CLUAP1: variants seen among roughly 807,000 people sequenced by gnomAD.
CLUAP1 encodes clusterin-associated protein 1.
CLUAP1 carries 50 observed loss-of-function variants against 55.0 expected under a neutral mutation model. The ratio of observed to expected loss-of-function variants is 0.91; its 90% CI spans 0.72 to 1.15. CLUAP1 has a LOEUF of 1.15. Among genes scored for constraint, CLUAP1 ranks in the 50% most tolerant of loss-of-function variants. CLUAP1 has a pLI of 0.00. For synonymous variants in CLUAP1, 195 were observed against 175.4 expected, an observed-to-expected ratio of 1.11 and a Z score of -0.88; for missense variants, 530 against 507.6, an observed-to-expected ratio of 1.04 and a Z score of -0.42.
At chr16:3,521,891 C>CA (rs1051168488) in intron 7 of CLUAP1, among the ~76,000 whole-genome samples, 56 of 147,140 alleles carry the variant, frequency 3.8e-4, no homozygotes, top group Middle Eastern at 6.9e-3. Context: ...CCCATCTCTA[C>CA]AAAAAAAAAA....
intron 9 of CLUAP1, among the ~76,000 whole-genome samples, chr16:3,527,916 C>T (rs867117605): frequency 1.3e-5 from 2 of 152,210 alleles, no homozygotes; most frequent in African/African-American, 4.8e-5. Context: ...TACCCTGCCC[C>T]TTTGTCTTGT....
chr16:3,516,639 T>C (rs2037734405), intron 6 of CLUAP1, among the ~76,000 whole-genome samples: 1 of 152,134 alleles, frequency 6.6e-6, no homozygotes, highest in Non-Finnish European at 1.5e-5. Flanking sequence ...AATATATAGA[T>C]AGGTATAGGA....
intron 4 of CLUAP1, among the ~76,000 whole-genome samples, chr16:3,512,041 C>T (rs2037636686): frequency 2.0e-5 from 3 of 152,094 alleles, no homozygotes; most frequent in African/African-American, 7.2e-5. Context: ...ACAAAATTAG[C>T]CGGGCGTGGT....
upstream of CLUAP1, chr16:3,496,140 C>CAAAA (rs74546027): frequency 2.9e-6 from 1 of 342,378 alleles, no homozygotes; most frequent in Non-Finnish European, 5.6e-6. Context: ...GACTCCGTCT[C>CAAAA]AAAAAAAAAA....
chr16:3,529,210 A>G (rs1431237916), intron 9 of CLUAP1, among the ~76,000 whole-genome samples: 1 of 150,728 alleles, frequency 6.6e-6, no homozygotes. Context: ...CACTTCATTC[A>G]CATGGATTCA....
chr16:3,526,817 C>T (rs73503370), intron 9 of CLUAP1, among the ~76,000 whole-genome samples: 300 of 152,202 alleles, frequency 2.0e-3, no homozygotes, highest in African/African-American at 6.9e-3. Flanking sequence ...GTGTTTTCCC[C>T]TGTTTAAATG....
intron 4 of CLUAP1, among the ~76,000 whole-genome samples, chr16:3,508,747 G>T (rs1401028811): frequency 1.3e-5 from 2 of 152,156 alleles, no homozygotes; most frequent in African/African-American, 4.8e-5. Context: ...TCAGTTAGGG[G>T]AGTCAGACTG....
At chr16:3,500,263 T>C (rs1460885088), upstream of CLUAP1, among the ~76,000 whole-genome samples, 3 of 152,192 alleles carry the variant, frequency 2.0e-5, no homozygotes, top group Non-Finnish European at 2.9e-5. Flanking sequence ...CTGGCCTGCC[T>C]CTGGGCGCCC....
At chr16:3,505,533 CGAGA>C (rs2037488205) in intron 2 of CLUAP1, among the ~76,000 whole-genome samples, 2 of 126,644 alleles carry the variant, frequency 1.6e-5, no homozygotes, top group Admixed American at 1.9e-4. Context: ...GGTGAAAGAG[CGAGA>C]CTCCGTCTCA....
At chr16:3,511,034 C>T (rs1349250496) in intron 4 of CLUAP1, among the ~76,000 whole-genome samples, 2 of 152,128 alleles carry the variant, frequency 1.3e-5, no homozygotes, top group Non-Finnish European at 2.9e-5. Context: ...AACTCTGACT[C>T]GCTCCACTTT....
rs1368257213 is a variant in CLUAP1, at chr16:3,536,481, T to C, written c.*210T>C. 1.0e-5 allele frequency: 5 copies of C among 501,402 alleles called. No homozygotes were observed. Among genetic ancestry groups the C allele is most frequent in the African/African-American group, 7.6e-5 (4 of 52,402 alleles). The allele number at this position is 501,402 out of a possible 1,614,324, so 31.1% of individuals were successfully genotyped here. A position where few individuals can be genotyped will look rare whatever the true frequency, so the allele number is the denominator to read the frequency against. Reference sequence around the variant, plus strand: ...GAAGCAAATCCCTAAGATTTATTTTTTTCCACCTTATTTATCTTCTAAAAC... The same window carrying C: ...GAAGCAAATCCCTAAGATTTATTTTCTTCCACCTTATTTATCTTCTAAAAC... On this transcript the variant is annotated 3_prime_UTR_variant, in exon 12 of 12. Coordinates refer to ENST00000576634, the MANE Select transcript of CLUAP1 (RefSeq NM_015041.3).
chr16:3,519,366 G>T (rs1437348105), intron 6 of CLUAP1, among the ~76,000 whole-genome samples: 1 of 152,226 alleles, frequency 6.6e-6, no homozygotes, highest in African/African-American at 2.4e-5. Context: ...TTAGTCTGTA[G>T]TCAAGCTTCT....
At chr16:3,497,072 T>C (rs2037322193), upstream of CLUAP1, among the ~76,000 whole-genome samples, 1 of 152,086 alleles carries the variant, frequency 6.6e-6, no homozygotes, top group African/African-American at 2.4e-5. Context: ...GCTTTCGCCA[T>C]GTTGGCCAGG....
chr16:3,519,121 G>A (rs944853147), intron 6 of CLUAP1, among the ~76,000 whole-genome samples: 3 of 152,186 alleles, frequency 2.0e-5, no homozygotes, highest in African/African-American at 7.2e-5. Flanking sequence ...ATGTGAAGAC[G>A]GCGCACTACC....
rs571721661 is a variant in CLUAP1, at chr16:3,506,361, C to G, written c.165C>G (p.Asp55Glu). Reference protein sequence around the residue: ...RYEPQTDIPPDVDTEQDRVFF... With the variant: ...RYEPQTDIPPEVDTEQDRVFF... The stretch of plus-strand genomic sequence containing the variant: ...AGCCCCAGACTGACATCCCGCCTGA[C>G]GTGGATACTGAACAGGACCGAGTTT... The change falls in exon 3 of 12, where the codon GAC becomes GAG. Residue 55 changes from aspartate to glutamate, a missense_variant. Transcript: ENST00000576634. The G allele has an allele frequency of 7.4e-6, 12 of 1,613,950 alleles. No individual in the cohort carries two copies. Among genetic ancestry groups the G allele is most frequent in the Non-Finnish European group, 9.3e-6 (11 of 1,179,886 alleles).
chr16:3,500,513 G>C (rs2037369637), upstream of CLUAP1, among the ~76,000 whole-genome samples: 1 of 152,118 alleles, frequency 6.6e-6, no homozygotes, highest in Non-Finnish European at 1.5e-5. Flanking sequence ...GGGATTACAG[G>C]TGTGCGCCAC....
At chr16:3,529,814 TATA>T (rs1396729611) in intron 9 of CLUAP1, among the ~76,000 whole-genome samples, 4 of 29,906 alleles carry the variant, frequency 1.3e-4, no homozygotes, top group African/African-American at 5.2e-4. Context: ...ATATATATAT[TATA>T]ATATAATATA....
chr16:3,517,625 T>C (rs900540369), intron 6 of CLUAP1, among the ~76,000 whole-genome samples: 11 of 152,148 alleles, frequency 7.2e-5, no homozygotes, highest in East Asian at 1.9e-4. Flanking sequence ...AGAGTACTTA[T>C]TAATTACAGA....
chr16:3,500,393 CAG>C (rs1351559466), upstream of CLUAP1, among the ~76,000 whole-genome samples: 1 of 135,682 alleles, frequency 7.4e-6, no homozygotes, highest in Non-Finnish European at 1.5e-5. Flanking sequence ...TTTTTTGAGA[CAG>C]AGTCTCGCTC....
Sources: allele counts gnomAD v4.1 joint callset (sites outside exome capture counted in the v4.1 genomes callset), GRCh38; gene constraint gnomAD v4.1.1; transcripts MANE v1.5; gene names NCBI Gene and HGNC (gene_info 2026-07-23, HGNC 2026-07-21).